Variants in COL2A1 observed in about 807,000 individuals in gnomAD.
COL2A1 encodes collagen alpha-1(II) chain.
COL2A1 carries 28 observed loss-of-function variants against 204.5 expected under a neutral mutation model. That is an observed-to-expected ratio of 0.14 (90% confidence interval 0.10 to 0.19). COL2A1 has a LOEUF of 0.19. Ranked by LOEUF, COL2A1 falls within the 10% of genes least tolerant of loss-of-function variation. The pLI is 1.00. For synonymous variants in COL2A1, 708 were observed against 718.7 expected, an observed-to-expected ratio of 0.99 and a Z score of 0.24; for missense variants, 1,388 against 2,027.5, an observed-to-expected ratio of 0.68 and a Z score of 6.06.
Position 47,993,546 on chromosome 12 carries a change from T to C in COL2A1, c.925-44A>G, listed in dbSNP as rs753658443. The C allele has an allele frequency of 3.8e-6, 6 of 1,578,598 alleles. No individual in the cohort carries two copies. The African/African-American group carries it at 8.1e-5, about 21-fold the overall frequency. ...AGGTCAGTGTCTGGGACCCCATTCT[T>C]GGCCGCCAGCAAACTCCTAGGGAAG... On this transcript the variant is annotated intron_variant, in intron 14 of 53. Transcript: ENST00000380518.
chr12:47,996,650 G>C, intron 7 of COL2A1, 25 bp from the exon 8 acceptor site: 2 of 1,610,722 alleles, frequency 1.2e-6, no homozygotes, highest in Non-Finnish European at 1.7e-6. Context: ...AACAACGTTA[G>C]GAGGTTGAAA....
rs749308766 is a variant in COL2A1, at chr12:47,973,396, G to C, written c.*11C>G. ...TTTGCAACGGATTGTGTTGTTTCTG[G>C]GTTCAGGTTTTTACAAGAAGCAGAC... On this transcript the variant is annotated 3_prime_UTR_variant, in exon 54 of 54. Transcript: ENST00000380518. The C allele has an allele frequency of 1.9e-6, 3 of 1,614,118 alleles. No individual in the cohort carries two copies. The highest frequency in any genetic ancestry group is 2.5e-6 in the Non-Finnish European group (3 of 1,180,022).
chr12:47,989,145 T>C lies in COL2A1; in HGVS notation c.1122+83A>G, dbSNP rs564719903. The C allele has an allele frequency of 1.5e-5, 18 of 1,179,080 alleles. No individual in the cohort carries two copies. In the Admixed American group the frequency reaches 3.1e-4, roughly 21 times the overall value. The allele number at this position is 1,179,080 out of a possible 1,614,324, so 73.0% of individuals were successfully genotyped here. On this transcript the variant is annotated intron_variant, in intron 18 of 53. Coordinates refer to ENST00000380518, the MANE Select transcript of COL2A1 (RefSeq NM_001844.5). ...TTCTCAGAAGGGAGCAGGTGGTTGT[T>C]GAGGGAGCAATGAGCAAGGGTTACG...
At position 47,981,833 on chromosome 12, in the gene COL2A1, C is replaced by CG. The variant is rs1565676602; in HGVS notation, c.2356-5dup. ...GGCCAATGGGACCTGTCAGGCCCTG[C>CG]GGGGAGAGCAGGTAGAGGTGAGGGA... is the stretch of plus-strand genomic sequence containing the variant. On this transcript the variant is annotated splice_region_variant and splice_polypyrimidine_tract_variant and intron_variant, in intron 35 of 53. Transcript: ENST00000380518. 1.3e-6 allele frequency: 2 copies of CG among 1,553,678 alleles called. No individual in the cohort carries two copies. Among genetic ancestry groups the CG allele is most frequent in the South Asian group, 1.2e-5 (1 of 84,392 alleles).
intron 51 of COL2A1, 100 bp downstream of exon 51, chr12:47,975,217 C>T: frequency 6.9e-7 from 1 of 1,459,476 alleles, no homozygotes; most frequent in Non-Finnish European, 9.4e-7. Flanking sequence ...CTTCCAGGCC[C>T]AGCTCTGCCC....
rs1652197741 is a variant in COL2A1 at position 47,987,058 on chromosome 12, G to C, written c.1365+20C>G. 4 of 1,610,254 alleles carry C rather than the reference G, an allele frequency of 2.5e-6. No individual in the cohort carries two copies. In the East Asian group the frequency reaches 8.9e-5, roughly 36 times the overall value. On this transcript the variant is annotated intron_variant, in intron 21 of 53. Coordinates refer to ENST00000380518, the MANE Select transcript of COL2A1 (RefSeq NM_001844.5). This position sits in a 1 kb window ranked among gnomAD's most constrained non-coding sequence, Gnocchi z 4.1. The stretch of plus-strand genomic sequence containing the variant: ...CTCCAGAGATGTCAGTGGAACTTGG[G>C]GGTCACTTTGGGCTCTTACCGTCTG...
chr12:47,976,979 G>C lies in COL2A1; in HGVS notation c.3328-60C>G, dbSNP rs1391521875. 48 of 1,537,884 alleles carry C rather than the reference G, an allele frequency of 3.1e-5. No individual in the cohort carries two copies. Among genetic ancestry groups the C allele is most frequent in the Non-Finnish European group, 4.2e-5 (47 of 1,128,216 alleles). ...AGGGCCAGGACAGGAGCCCCCTCCT[G>C]TCCCACCCAAGCTGAGGAATCCCCG... is the stretch of plus-strand genomic sequence containing the variant. On this transcript the variant is annotated intron_variant, in intron 47 of 53. Coordinates refer to ENST00000380518, the MANE Select transcript of COL2A1 (RefSeq NM_001844.5). This position sits in a 1 kb window ranked among gnomAD's most constrained non-coding sequence, Gnocchi z 4.3.
At chr12:47,996,226 CTG>C (rs1257480851) in intron 8 of COL2A1, among the ~76,000 whole-genome samples, 1 of 152,224 alleles carries the variant, frequency 6.6e-6, no homozygotes, top group African/African-American at 2.4e-5. Flanking sequence ...TGCTGGAAGT[CTG>C]TGGATGCTGG....
At chr12:48,004,083 C>A (rs1021545720) in intron 1 of COL2A1, 154 bp downstream of exon 1, 3 of 656,462 alleles carry the variant, frequency 4.6e-6, no homozygotes, top group Non-Finnish European at 8.5e-6. Flanking sequence ...TCTTGGTGAA[C>A]TTCTGCGTGT....
At chr12:47,995,414 G>A (rs1592232270) in intron 10 of COL2A1, 106 bp from the exon 11 acceptor site, 4 of 1,015,388 alleles carry the variant, frequency 3.9e-6, no homozygotes, top group East Asian at 4.7e-5. Context: ...CTTCTATGAA[G>A]AAGAAAGATG....
At chr12:47,999,213 G>C (rs1940113335) in intron 2 of COL2A1, among the ~76,000 whole-genome samples, 1 of 152,176 alleles carries the variant, frequency 6.6e-6, no homozygotes, top group Admixed American at 6.5e-5. Context: ...ATGAATGCTG[G>C]GAAGGGGTCA....
intron 7 of COL2A1, 136 bp downstream of exon 7, chr12:47,997,470 T>A (rs1318576071): frequency 2.0e-6 from 3 of 1,509,460 alleles, no homozygotes; most frequent in Non-Finnish European, 2.8e-6. Flanking sequence ...ATTACAGGCC[T>A]GAGGGCAAAG....
rs758237369 is a variant in COL2A1 at position 47,975,945 on chromosome 12, AG to A, written c.3597+17del. 111 of 1,584,018 alleles carry A rather than the reference AG, an allele frequency of 7.0e-5. No homozygotes were observed. The African/African-American group carries it at 1.3e-3, about 19-fold the overall frequency. On this transcript the variant is annotated intron_variant, in intron 50 of 53. Transcript: ENST00000380518. Reference sequence around the variant, plus strand: ...GGTAGGGACACCTCGACAGCAGGGAAGGAGTCAGGACACTTACAGCAGGGCC... The same window carrying A: ...GGTAGGGACACCTCGACAGCAGGGAAGAGTCAGGACACTTACAGCAGGGCC...
chr12:47,999,094 C>T (rs1940106044), intron 2 of COL2A1, among the ~76,000 whole-genome samples: 1 of 152,208 alleles, frequency 6.6e-6, no homozygotes, highest in Non-Finnish European at 1.5e-5. Flanking sequence ...CAGCTTCTCA[C>T]TTCCCTTGCC....
intron 53 of COL2A1, 132 bp downstream of exon 53, chr12:47,973,957 T>C (rs1053551560): frequency 7.7e-7 from 1 of 1,297,382 alleles, no homozygotes; most frequent in African/African-American, 1.4e-5. Flanking sequence ...CTATCTTCTC[T>C]ACATGACCCT....
intron 41 of COL2A1, among the ~76,000 whole-genome samples, 174 bp downstream of exon 41, chr12:47,979,337 T>A (rs1404945795): frequency 2.0e-5 from 3 of 152,152 alleles, no homozygotes; most frequent in Non-Finnish European, 4.4e-5. Context: ...GCCACAACCC[T>A]GCCCCCAGCC....
At position 47,998,396 on chromosome 12, in the gene COL2A1, A is replaced by G. The variant is rs1254301947; in HGVS notation, c.309+19T>C. 1 of 1,592,684 alleles carries G rather than the reference A, an allele frequency of 6.3e-7. No homozygotes were observed. The highest frequency in any genetic ancestry group is 1.1e-5 in the South Asian group (1 of 88,082). On this transcript the variant is annotated intron_variant, in intron 3 of 53. Transcript: ENST00000380518. ...AAAGCCAAAAAAATATGAAAAAAGAAAAAGAAGAAAGCCCTTACCTTTGGT... is the reference window on the plus strand; with the variant it reads ...AAAGCCAAAAAAATATGAAAAAAGAGAAAGAAGAAAGCCCTTACCTTTGGT...
upstream of COL2A1, among the ~76,000 whole-genome samples, chr12:48,004,750 G>A (rs1285368066): frequency 6.6e-6 from 1 of 152,118 alleles, no homozygotes; most frequent in East Asian, 1.9e-4. Context: ...CCGGGGCTGC[G>A]GCGCTGCCCC....
chr12:47,978,897 ACC>A lies in COL2A1; in HGVS notation c.2734-141_2734-140del. The A allele has an allele frequency of 1.2e-6, 1 of 816,790 alleles. No homozygotes were observed. Among genetic ancestry groups the A allele is most frequent in the Non-Finnish European group, 2.0e-6 (1 of 499,470 alleles). The allele number at this position is 816,790 out of a possible 1,614,324, so 50.6% of individuals were successfully genotyped here. A position where few individuals can be genotyped will look rare whatever the true frequency, so the allele number is the denominator to read the frequency against. On this transcript the variant is annotated intron_variant, in intron 41 of 53. Coordinates refer to ENST00000380518, the MANE Select transcript of COL2A1 (RefSeq NM_001844.5). The surrounding 1 kb of genome is among the most constrained non-coding windows in gnomAD (Gnocchi z 5.5). Reference sequence around the variant, plus strand: ...CCCCACACTAAGGGCAGGCAGCTTAACCCCCCCAACCCCAATCTACCGCTGCA... The same window carrying A: ...CCCCACACTAAGGGCAGGCAGCTTAACCCCCAACCCCAATCTACCGCTGCA...
Sources: gnomAD v4.1 joint callset for allele counts (sites outside exome capture counted in the v4.1 genomes callset) on GRCh38, gnomAD v4.1.1 for gene constraint, Gnocchi (gnomAD v3.1) non-coding constraint, MANE v1.5 for transcripts, NCBI Gene and HGNC (gene_info 2026-07-23, HGNC 2026-07-21) for gene names.